Variants in ZBTB38 observed in about 807,000 individuals in gnomAD.
The protein encoded by ZBTB38 is zinc finger and BTB domain containing 38.
In ZBTB38, 20 loss-of-function variants were observed where a neutral mutation model predicts 76.8. The ratio of observed to expected loss-of-function variants is 0.26; its 90% CI spans 0.18 to 0.38. The LOEUF (loss-of-function observed/expected upper bound fraction) is 0.38. ZBTB38 is among the 10% of genes least tolerant of loss of function. The pLI is 1.00. For synonymous variants in ZBTB38, 504 were observed against 544.2 expected, an observed-to-expected ratio of 0.93 and a Z score of 1.03; for missense variants, 1,082 against 1,482.3, an observed-to-expected ratio of 0.73 and a Z score of 4.43.
intron 1 of ZBTB38, among the ~76,000 whole-genome samples, chr3:141,340,949 G>GGAAAGGAAGAAA (rs1943166999): frequency 1.8e-5 from 2 of 111,928 alleles, no homozygotes; most frequent in Non-Finnish European, 3.5e-5. Context: ...AAAGAAAGAA[G>GGAAAGGAAGAAA]GAAAGAAAGA....
At chr3:141,327,203 T>C (rs1942699415) in intron 1 of ZBTB38, among the ~76,000 whole-genome samples, 1 of 152,198 alleles carries the variant, frequency 6.6e-6, no homozygotes, top group Non-Finnish European at 1.5e-5. Context: ...GCTGACTGCC[T>C]CTTTCCTCAA....
chr3:141,330,283 C>T (rs1412496076), intron 1 of ZBTB38, among the ~76,000 whole-genome samples: 1 of 152,192 alleles, frequency 6.6e-6, no homozygotes, highest in East Asian at 1.9e-4. Context: ...TTAATGCGCT[C>T]TCCTGACTAA....
At chr3:141,436,838 A>G (rs1405769028) in intron 5 of ZBTB38, among the ~76,000 whole-genome samples, 3 of 152,166 alleles carry the variant, frequency 2.0e-5, no homozygotes, top group South Asian at 2.1e-4. Flanking sequence ...CAACATGGTT[A>G]ACTAAGATTT....
chr3:141,426,967 G>A (rs2150350895), intron 5 of ZBTB38, among the ~76,000 whole-genome samples: 2 of 151,924 alleles, frequency 1.3e-5, no homozygotes, highest in Non-Finnish European at 2.9e-5. Flanking sequence ...GTCGATTTGT[G>A]TGTGGGGTGG....
At chr3:141,427,957 T>C (rs1003072499) in intron 5 of ZBTB38, 1 of 152,290 alleles carries the variant, frequency 6.6e-6, no homozygotes, top group African/African-American at 2.4e-5. Context: ...TAATTACATG[T>C]CAGGCGGCAC....
At chr3:141,436,977 C>T (rs1381613357) in intron 5 of ZBTB38, among the ~76,000 whole-genome samples, 2 of 152,182 alleles carry the variant, frequency 1.3e-5, no homozygotes, top group Admixed American at 6.5e-5. Flanking sequence ...CACTTTGGAC[C>T]TGTGAAATAG....
At chr3:141,342,491 A>G (rs776581740) in intron 1 of ZBTB38, among the ~76,000 whole-genome samples, 1 of 152,118 alleles carries the variant, frequency 6.6e-6, no homozygotes, top group Admixed American at 6.5e-5. Flanking sequence ...TCCATTTGAA[A>G]ACTTTGGAAA....
chr3:141,398,717 T>C (rs1251077832), intron 4 of ZBTB38, among the ~76,000 whole-genome samples: 9 of 152,140 alleles, frequency 5.9e-5, no homozygotes, highest in African/African-American at 2.2e-4. Context: ...TTTAGAAATG[T>C]AGATTACTTT....
At chr3:141,362,412 T>C (rs1559920673) in intron 1 of ZBTB38, among the ~76,000 whole-genome samples, 1 of 152,062 alleles carries the variant, frequency 6.6e-6, no homozygotes, top group Non-Finnish European at 1.5e-5. Context: ...ATCATTAACA[T>C]AAAATAGATA....
chr3:141,420,917 ATAAG>A (rs2075202152), intron 5 of ZBTB38, among the ~76,000 whole-genome samples: 1 of 152,144 alleles, frequency 6.6e-6, no homozygotes, highest in African/African-American at 2.4e-5. Flanking sequence ...ACCAGAATAA[ATAAG>A]GGAAATTTTG....
At chr3:141,382,213 G>C (rs1036556108) in intron 3 of ZBTB38, among the ~76,000 whole-genome samples, 1 of 152,160 alleles carries the variant, frequency 6.6e-6, no homozygotes, top group African/African-American at 2.4e-5. Context: ...GCGAGACTCT[G>C]TCTCAAGAGA....
intron 5 of ZBTB38, chr3:141,434,275 T>C (rs1328725421): frequency 2.0e-5 from 18 of 892,150 alleles, no homozygotes; most frequent in Non-Finnish European, 2.4e-5. Context: ...GAGAGAAGGA[T>C]AATCTTAAGA....
intron 1 of ZBTB38, among the ~76,000 whole-genome samples, chr3:141,351,801 A>G (rs1438510261): frequency 2.0e-5 from 3 of 151,958 alleles, no homozygotes; most frequent in South Asian, 2.1e-4. Flanking sequence ...TAGGTTGAAA[A>G]TGTTAAATAT....
chr3:141,437,171 G>A (rs1055803490), intron 5 of ZBTB38, among the ~76,000 whole-genome samples: 2 of 152,090 alleles, frequency 1.3e-5, no homozygotes, highest in East Asian at 1.9e-4. Context: ...AGTTCCATTC[G>A]CAGATTTGGA....
At chr3:141,354,446 C>A (rs1943604936) in intron 1 of ZBTB38, among the ~76,000 whole-genome samples, 1 of 152,124 alleles carries the variant, frequency 6.6e-6, no homozygotes, top group Non-Finnish European at 1.5e-5. Flanking sequence ...GTCCAGCCAG[C>A]TTCTTCTTCC....
intron 5 of ZBTB38, chr3:141,431,720 G>T (rs2077661310): frequency 6.6e-6 from 1 of 152,116 alleles, no homozygotes. Context: ...CAGATAATAG[G>T]TGAGGTTGTC....
chr3:141,364,354 A>G (rs985814672), upstream of ZBTB38, among the ~76,000 whole-genome samples: 2 of 151,764 alleles, frequency 1.3e-5, no homozygotes, highest in African/African-American at 4.8e-5. Flanking sequence ...TGTGTCTGGG[A>G]TATATAAAGA....
intron 5 of ZBTB38, among the ~76,000 whole-genome samples, chr3:141,421,554 TGTATAGCCCAGGAAA>T (rs1265568244): frequency 2.0e-5 from 3 of 152,110 alleles, no homozygotes; most frequent in African/African-American, 4.8e-5. Flanking sequence ...AAATTGGAGA[TGTATAGCCCAGGAAA>T]GGGTAAACAT....
chr3:141,337,951 T>C (rs549491318), intron 1 of ZBTB38, among the ~76,000 whole-genome samples: 2 of 152,322 alleles, frequency 1.3e-5, no homozygotes, highest in Admixed American at 6.5e-5. Context: ...ACAATATTCA[T>C]TGAATGTCTA....
Sources: gnomAD v4.1 joint callset for allele counts (sites outside exome capture counted in the v4.1 genomes callset) on GRCh38, gnomAD v4.1.1 for gene constraint, MANE v1.5 for transcripts, NCBI Gene and HGNC (gene_info 2026-07-23, HGNC 2026-07-21) for gene names.